The following GATB variants were observed in gnomAD, a reference collection of about 807,000 sequenced individuals.
GATB encodes glutamyl-tRNA amidotransferase subunit B, also known as glutamyl-tRNA(Gln) amidotransferase subunit B, mitochondrial.
A neutral mutation model predicts 62.3 loss-of-function variants in GATB; 39 were observed. That is an observed-to-expected ratio of 0.63 (90% CI 0.48 to 0.82). The LOEUF (loss-of-function observed/expected upper bound fraction) is 0.82, where lower values mean the gene tolerates loss of function less well. GATB is among the 40% of genes least tolerant of loss of function. GATB has a pLI of 0.00. For missense variants in GATB, 670 were observed against 684.0 expected (o/e 0.98, Z 0.23); for synonymous variants, 276 against 258.9 (o/e 1.07, Z -0.63).
rs540541929 is a variant in GATB, at chr4:151,696,677, A to G, written c.1197+4652T>C. Among the ~76,000 whole-genome samples, 9 of 152,344 alleles carry G rather than the reference A, an allele frequency of 5.9e-5. No homozygotes were observed. The South Asian group carries it at 1.9e-3, about 32-fold the overall frequency. On this transcript the variant is annotated intron_variant, in intron 9 of 12. Transcript: ENST00000263985. ...TAAGGATAGATTAAAAAGTCGTACA[A>G]TGTGAATTGCAGAGCATGCTAGAAG... is the stretch of plus-strand genomic sequence containing the variant.
At chr4:151,750,823 A>G (rs1202540072) in intron 2 of GATB, among the ~76,000 whole-genome samples, 1 of 150,578 alleles carries the variant, frequency 6.6e-6, no homozygotes, top group East Asian at 2.0e-4. Flanking sequence ...TTGTAGAGAC[A>G]GGGTTTCACC....
chr4:151,699,642 T>C (rs1738558741), intron 9 of GATB, among the ~76,000 whole-genome samples: 1 of 152,138 alleles, frequency 6.6e-6, no homozygotes, highest in Admixed American at 6.5e-5. Context: ...TCACCGCTCA[T>C]GAACGGCCGA....
At chr4:151,750,916 G>A (rs1739709701) in intron 2 of GATB, among the ~76,000 whole-genome samples, 1 of 151,706 alleles carries the variant, frequency 6.6e-6, no homozygotes, top group Admixed American at 6.6e-5. Context: ...TTACAGGCAC[G>A]AGCCACTGTG....
intron 2 of GATB, among the ~76,000 whole-genome samples, chr4:151,737,033 C>A (rs1237533104): frequency 6.6e-6 from 1 of 152,086 alleles, no homozygotes; most frequent in Non-Finnish European, 1.5e-5. Context: ...TAAACTGGTA[C>A]CAGGAGTGGG....
intron 11 of GATB, among the ~76,000 whole-genome samples, chr4:151,676,843 T>C (rs1315688529): frequency 6.6e-6 from 1 of 152,100 alleles, no homozygotes; most frequent in Non-Finnish European, 1.5e-5. Context: ...TTTGTAAATG[T>C]CGGGAGCACT....
At chr4:151,678,456 T>C (rs2126955043) in intron 11 of GATB, among the ~76,000 whole-genome samples, 1 of 152,186 alleles carries the variant, frequency 6.6e-6, no homozygotes, top group East Asian at 1.9e-4. Flanking sequence ...TCTCTCTCTC[T>C]CTACATATAT....
chr4:151,685,046 G>A (rs116558900), intron 10 of GATB, among the ~76,000 whole-genome samples: 3,538 of 152,208 alleles, frequency 0.023, 81 homozygotes, highest in Non-Finnish European at 0.035. Context: ...CCGTCACCTC[G>A]TCTGCTAAAT....
chr4:151,748,320 A>G (rs1739644228), intron 2 of GATB, among the ~76,000 whole-genome samples: 1 of 152,226 alleles, frequency 6.6e-6, no homozygotes, highest in Non-Finnish European at 1.5e-5. Flanking sequence ...ACAGAGATAT[A>G]GACCAATGGA....
At chr4:151,742,976 G>A (rs1204203647) in intron 2 of GATB, among the ~76,000 whole-genome samples, 2 of 152,052 alleles carry the variant, frequency 1.3e-5, no homozygotes, top group African/African-American at 4.8e-5. Flanking sequence ...AAAGGAACAA[G>A]TTATTTTCAA....
At chr4:151,740,894 G>C (rs562519804) in intron 2 of GATB, among the ~76,000 whole-genome samples, 1 of 152,206 alleles carries the variant, frequency 6.6e-6, no homozygotes, top group South Asian at 2.1e-4. Context: ...GACAAAAATA[G>C]TGTCACAGAA....
At chr4:151,735,407 G>C (rs1739352014) in intron 2 of GATB, among the ~76,000 whole-genome samples, 1 of 152,168 alleles carries the variant, frequency 6.6e-6, no homozygotes, top group South Asian at 2.1e-4. Flanking sequence ...CCTTACTCTT[G>C]CAAGAAGGGC....
intron 2 of GATB, among the ~76,000 whole-genome samples, chr4:151,750,958 A>G (rs912062704): frequency 1.3e-5 from 2 of 152,106 alleles, no homozygotes; most frequent in Non-Finnish European, 2.9e-5. Context: ...CTATCCAAAA[A>G]TAAAATATAC....
chr4:151,675,674 A>G, intron 11 of GATB: 1 of 152,502 alleles, frequency 6.6e-6, no homozygotes, highest in Non-Finnish European at 1.5e-5. Flanking sequence ...TCCAGCCAGG[A>G]GCGCAGCTCC....
chr4:151,701,575 C>T, intron 8 of GATB, 57 bp from the exon 9 acceptor site: 2 of 1,212,804 alleles, frequency 1.6e-6, no homozygotes, highest in Non-Finnish European at 2.2e-6. Flanking sequence ...AATGAGAAAA[C>T]AAAACCTCCC....
chr4:151,681,227 G>A (rs528908696), intron 10 of GATB, among the ~76,000 whole-genome samples: 2 of 152,338 alleles, frequency 1.3e-5, no homozygotes, highest in South Asian at 4.1e-4. Context: ...TTCAAGTGCA[G>A]TGAAACCCTA....
intron 2 of GATB, among the ~76,000 whole-genome samples, chr4:151,739,325 A>C (rs1430128335): frequency 6.6e-6 from 1 of 152,178 alleles, no homozygotes; most frequent in Admixed American, 6.5e-5. Flanking sequence ...GAGGAACAGA[A>C]TGCTCTTCAG....
At chr4:151,671,804 G>C (rs1219166026) in intron 12 of GATB, among the ~76,000 whole-genome samples, 1 of 152,184 alleles carries the variant, frequency 6.6e-6, no homozygotes. Flanking sequence ...GCTGGGTCGG[G>C]GGGAGTGTGC....
chr4:151,736,998 G>A (rs1055176642), intron 2 of GATB, among the ~76,000 whole-genome samples: 2 of 152,184 alleles, frequency 1.3e-5, no homozygotes, highest in Admixed American at 1.3e-4. Flanking sequence ...GTCTTTATCA[G>A]CAGTGTAAAA....
intron 3 of GATB, 134 bp from the exon 4 acceptor site, chr4:151,717,208 G>A: frequency 1.2e-6 from 1 of 843,640 alleles, no homozygotes; most frequent in South Asian, 1.7e-5. Context: ...AAAGGAAAAG[G>A]AGAAAAAAAT....
Sources: gnomAD v4.1 joint callset for allele counts (sites outside exome capture counted in the v4.1 genomes callset) on GRCh38, gnomAD v4.1.1 for gene constraint, MANE v1.5 for transcripts, NCBI Gene and HGNC (gene_info 2026-07-23, HGNC 2026-07-21) for gene names.